CD2AP: variants seen among roughly 807,000 people sequenced by gnomAD.
CD2AP encodes the protein CD2-associated protein.
CD2AP carries 46 observed loss-of-function variants against 85.1 expected under a neutral mutation model. That is an observed-to-expected ratio of 0.54 (90% confidence interval 0.43 to 0.69). The LOEUF (loss-of-function observed/expected upper bound fraction) is 0.69. CD2AP is among the 30% of genes least tolerant of loss of function. CD2AP has a pLI of 0.00. For missense variants in CD2AP, 769 were observed against 729.5 expected (o/e 1.05, Z -0.62); for synonymous variants, 255 against 252.9 (o/e 1.01, Z -0.08).
At chr6:47,506,001 C>T (rs1766152186) in intron 2 of CD2AP, among the ~76,000 whole-genome samples, 1 of 52,872 alleles carries the variant, frequency 1.9e-5, no homozygotes, top group Non-Finnish European at 4.2e-5. Context: ...CCTCACTTCT[C>T]AGACGGGGCA....
At chr6:47,580,425 A>G (rs1004877173) in intron 9 of CD2AP, among the ~76,000 whole-genome samples, 3 of 150,758 alleles carry the variant, frequency 2.0e-5, no homozygotes, top group Admixed American at 6.7e-5. Context: ...AACTAAGTCT[A>G]TTTGTTGCTA....
chr6:47,542,725 G>A (rs940737342), intron 3 of CD2AP, among the ~76,000 whole-genome samples: 3 of 152,124 alleles, frequency 2.0e-5, no homozygotes, highest in Non-Finnish European at 2.9e-5. Context: ...TGTTATAGCA[G>A]CACAAATAAA....
At chr6:47,517,718 T>G (rs538411221) in intron 2 of CD2AP, among the ~76,000 whole-genome samples, 127 of 152,334 alleles carry the variant, frequency 8.3e-4, no homozygotes, top group African/African-American at 2.8e-3. Flanking sequence ...TTGATGGATA[T>G]AGACAATCTG....
At chr6:47,622,356 G>A (rs908008465) in intron 17 of CD2AP, among the ~76,000 whole-genome samples, 2 of 152,242 alleles carry the variant, frequency 1.3e-5, no homozygotes, top group East Asian at 1.9e-4. Context: ...GTGGCCTGGA[G>A]GTCTCTCGCC....
intron 2 of CD2AP, among the ~76,000 whole-genome samples, chr6:47,510,215 G>GA (rs1452670827): frequency 1.3e-5 from 2 of 152,132 alleles, no homozygotes; most frequent in East Asian, 1.9e-4. Context: ...TACAGGAATG[G>GA]TTTTGTATAT....
chr6:47,598,142 T>C (rs1477744452), intron 12 of CD2AP, among the ~76,000 whole-genome samples: 4 of 151,060 alleles, frequency 2.6e-5, no homozygotes, highest in African/African-American at 7.3e-5. Flanking sequence ...AACAAGCATA[T>C]GGAAAAATGC....
intron 2 of CD2AP, among the ~76,000 whole-genome samples, chr6:47,514,467 A>T (rs955558417): frequency 6.6e-6 from 1 of 152,202 alleles, no homozygotes; most frequent in Non-Finnish European, 1.5e-5. Flanking sequence ...TATAACTTTG[A>T]TTCAGTATCA....
intron 8 of CD2AP, among the ~76,000 whole-genome samples, chr6:47,579,141 T>C (rs1412603728): frequency 6.6e-6 from 1 of 152,164 alleles, no homozygotes; most frequent in African/African-American, 2.4e-5. Context: ...GGCTCATGCC[T>C]GTAGTTCCTG....
At chr6:47,558,425 C>A (rs1387128276) in intron 5 of CD2AP, among the ~76,000 whole-genome samples, 1 of 152,144 alleles carries the variant, frequency 6.6e-6, no homozygotes, top group East Asian at 1.9e-4. Context: ...ATGCTTCCAA[C>A]TTTTGCCCAT....
At chr6:47,528,087 C>T (rs1161762615) in intron 2 of CD2AP, among the ~76,000 whole-genome samples, 1 of 152,158 alleles carries the variant, frequency 6.6e-6, no homozygotes, top group Non-Finnish European at 1.5e-5. Context: ...ATATATCATT[C>T]TTTAATGACT....
intron 17 of CD2AP, among the ~76,000 whole-genome samples, chr6:47,613,155 A>G (rs935413567): frequency 6.6e-6 from 1 of 152,108 alleles, no homozygotes; most frequent in Non-Finnish European, 1.5e-5. Context: ...TCAATCCTCA[A>G]AGTCATCCCT....
chr6:47,548,681 G>A (rs1343013295), intron 4 of CD2AP, among the ~76,000 whole-genome samples: 1 of 152,012 alleles, frequency 6.6e-6, no homozygotes, highest in Non-Finnish European at 1.5e-5. Flanking sequence ...TAGAGAGAGG[G>A]AACCCTCCCT....
chr6:47,624,603 C>T lies in CD2AP; in HGVS notation c.*376C>T, dbSNP rs1170549452. On this transcript the variant is annotated 3_prime_UTR_variant, in exon 18 of 18. Transcript: ENST00000359314. ...TTTACAAGTAATCTGTTAAGATATA[C>T]TATTTGAGAGGGACAGATTAGCCTT... 1 of 203,888 alleles carries T rather than the reference C, an allele frequency of 4.9e-6. No individual in the cohort carries two copies. The highest frequency in any genetic ancestry group is 2.4e-5 in the African/African-American group (1 of 41,196). The allele number at this position is 203,888 out of a possible 1,614,324, so 12.6% of individuals were successfully genotyped here. A position where few individuals can be genotyped will look rare whatever the true frequency, so the allele number is the denominator to read the frequency against.
intron 4 of CD2AP, 121 bp downstream of exon 4, chr6:47,544,827 G>A (rs1767324400): frequency 1.5e-6 from 1 of 678,648 alleles, no homozygotes; most frequent in Admixed American, 2.4e-5. Flanking sequence ...TAAAAAAAAT[G>A]GTATAGAGTT....
chr6:47,557,607 G>A (rs1164127122), intron 5 of CD2AP, among the ~76,000 whole-genome samples: 1 of 152,098 alleles, frequency 6.6e-6, no homozygotes, highest in African/African-American at 2.4e-5. Flanking sequence ...GCTGGTTTTT[G>A]TCAGGTTTGT....
At chr6:47,531,533 C>G (rs1179237397) in intron 2 of CD2AP, among the ~76,000 whole-genome samples, 1 of 150,482 alleles carries the variant, frequency 6.6e-6, no homozygotes, top group Non-Finnish European at 1.5e-5. Flanking sequence ...ATCCACTGAG[C>G]CAGTGCATAC....
In CD2AP at chr6:47,609,209, G is replaced by A. The variant is rs1440066963; in HGVS notation, c.1719G>A (p.Val573=). 1 of 1,612,968 alleles carries A rather than the reference G, an allele frequency of 6.2e-7. No individual in the cohort carries two copies. ...FLTPLEIKAK[V]ETDDVKKNSL... ...CTCCATTAGAAATCAAAGCTAAAGT[G>A]GAAACAGATGATGTGAAAAAAAATT... Residue 573 remains valine (V), a synonymous_variant, in exon 16 of 18, where the codon GTG becomes GTA. Coordinates refer to ENST00000359314, the MANE Select transcript of CD2AP (RefSeq NM_012120.3).
At chr6:47,535,900 T>C (rs1250333333) in intron 3 of CD2AP, among the ~76,000 whole-genome samples, 1 of 152,216 alleles carries the variant, frequency 6.6e-6, no homozygotes, top group East Asian at 1.9e-4. Context: ...TCTTCTTAAG[T>C]AGAAGTTAGA....
intron 2 of CD2AP, among the ~76,000 whole-genome samples, chr6:47,530,119 T>G (rs1766834342): frequency 6.6e-6 from 1 of 152,236 alleles, no homozygotes; most frequent in Non-Finnish European, 1.5e-5. Context: ...TTAACACCAC[T>G]GAATTTATGT....
Sources: allele counts gnomAD v4.1 joint callset (sites outside exome capture counted in the v4.1 genomes callset), GRCh38; gene constraint gnomAD v4.1.1; transcripts MANE v1.5; gene names NCBI Gene and HGNC (gene_info 2026-07-23, HGNC 2026-07-21).